The following TENM4 variants were observed in gnomAD, a reference collection of about 807,000 sequenced individuals.
The protein encoded by TENM4 is teneurin-4.
In TENM4, 82 loss-of-function variants were observed where a neutral mutation model predicts 243.3. The observed-to-expected ratio is 0.34, with a 90% confidence interval of 0.28 to 0.40. TENM4 has a LOEUF of 0.40. Among genes scored for constraint, TENM4 ranks in the 10% least tolerant of loss-of-function variants. TENM4 has a pLI of 1.00. For missense variants in TENM4, 3,138 were observed against 3,673.3 expected (o/e 0.85, Z 3.77); for synonymous variants, 1,412 against 1,456.3 (o/e 0.97, Z 0.69).
At chr11:78,898,902 C>T (rs890087978) in intron 7 of TENM4, among the ~76,000 whole-genome samples, 1 of 152,130 alleles carries the variant, frequency 6.6e-6, no homozygotes, top group Non-Finnish European at 1.5e-5. Context: ...AATAATAAAA[C>T]ACTACATAAT....
chr11:79,236,581 G>A (rs537403619), intron 2 of TENM4, among the ~76,000 whole-genome samples: 2 of 152,180 alleles, frequency 1.3e-5, no homozygotes, highest in African/African-American at 2.4e-5. Context: ...GATGGTGAGC[G>A]AACCCTCAGA....
intron 3 of TENM4, among the ~76,000 whole-genome samples, chr11:79,159,033 A>G (rs962671770): frequency 2.8e-4 from 43 of 152,202 alleles, no homozygotes; most frequent in Admixed American, 2.6e-3. Flanking sequence ...AGTGAGTGGC[A>G]TGGAGATGTG....
chr11:78,654,802 G>A lies in TENM4; in HGVS notation c.*3256C>T, dbSNP rs1473279389. The A allele has an allele frequency of 6.6e-6, 1 of 151,484 alleles. No homozygotes were observed. Among genetic ancestry groups the A allele is most frequent in the Non-Finnish European group, 1.5e-5 (1 of 67,940 alleles). 9.4% of individuals were successfully genotyped at this position (151,484 alleles called of 1,614,324 possible). A position where few individuals can be genotyped will look rare whatever the true frequency, so the allele number is the denominator to read the frequency against. The stretch of plus-strand genomic sequence containing the variant: ...TGCCCTCCAGCAATGTCTGTTTGGG[G>A]TGTGGGGGGGTGGGATAAAAAGGAA... On this transcript the variant is annotated 3_prime_UTR_variant, in exon 34 of 34. Coordinates refer to ENST00000278550, the MANE Select transcript of TENM4 (RefSeq NM_001098816.3).
chr11:79,037,274 C>A (rs80343367), intron 6 of TENM4, among the ~76,000 whole-genome samples: 6,081 of 152,236 alleles, frequency 0.04, 347 homozygotes, highest in African/African-American at 0.12. Context: ...CAGCCCTCAA[C>A]TACATGGCAA....
chr11:79,073,305 C>G (rs1045351614), intron 4 of TENM4, among the ~76,000 whole-genome samples: 1 of 152,196 alleles, frequency 6.6e-6, no homozygotes, highest in Non-Finnish European at 1.5e-5. Flanking sequence ...GCCACTCACA[C>G]TTTCCTGGAT....
intron 12 of TENM4, among the ~76,000 whole-genome samples, chr11:78,846,828 G>A (rs906982993): frequency 6.6e-6 from 1 of 152,328 alleles, no homozygotes; most frequent in Middle Eastern, 3.4e-3. Flanking sequence ...ACCTGATGAA[G>A]TCTGTGGCAG....
At chr11:79,014,867 A>AGAT (rs1858733131) in intron 6 of TENM4, 1 of 152,276 alleles carries the variant, frequency 6.6e-6, no homozygotes, top group African/African-American at 2.4e-5. Context: ...GTGGATTTGC[A>AGAT]GATAGGTCTC....
chr11:79,163,065 T>G (rs1292566517), intron 3 of TENM4, among the ~76,000 whole-genome samples: 1 of 152,158 alleles, frequency 6.6e-6, no homozygotes, highest in Non-Finnish European at 1.5e-5. Context: ...GAAGGCAGCA[T>G]GTTTAATGTA....
At chr11:79,302,776 T>C (rs188764122) in intron 1 of TENM4, among the ~76,000 whole-genome samples, 1 of 152,194 alleles carries the variant, frequency 6.6e-6, no homozygotes, top group Admixed American at 6.5e-5. Flanking sequence ...GTCTCCAGGA[T>C]GTAAGTCAGA....
intron 2 of TENM4, among the ~76,000 whole-genome samples, chr11:79,229,015 G>A (rs1363417474): frequency 1.3e-5 from 2 of 152,132 alleles, no homozygotes; most frequent in African/African-American, 2.4e-5. Context: ...CAATTTTTTA[G>A]ATGTTCTTTG....
intron 4 of TENM4, among the ~76,000 whole-genome samples, chr11:79,072,508 A>T (rs562505123): frequency 6.6e-6 from 1 of 151,908 alleles, no homozygotes; most frequent in African/African-American, 2.4e-5. Flanking sequence ...AAATTACAAT[A>T]TCTTACATAA....
chr11:79,226,544 G>A (rs1864269514), intron 2 of TENM4, among the ~76,000 whole-genome samples: 1 of 152,220 alleles, frequency 6.6e-6, no homozygotes, highest in Non-Finnish European at 1.5e-5. Flanking sequence ...GTCTTGCAGA[G>A]CAGAAGATCA....
At chr11:79,071,948 A>C (rs531602732) in intron 4 of TENM4, among the ~76,000 whole-genome samples, 3 of 152,262 alleles carry the variant, frequency 2.0e-5, no homozygotes, top group Non-Finnish European at 2.9e-5. Flanking sequence ...CGATTCTCAA[A>C]ATATCCCTGG....
intron 1 of TENM4, among the ~76,000 whole-genome samples, chr11:79,342,133 C>T (rs1220903273): frequency 6.6e-6 from 1 of 152,166 alleles, no homozygotes; most frequent in Non-Finnish European, 1.5e-5. Context: ...AGCTATTGCA[C>T]CCCACTAGAA....
chr11:78,873,244 G>A (rs1859182673), intron 9 of TENM4, among the ~76,000 whole-genome samples: 1 of 152,062 alleles, frequency 6.6e-6, no homozygotes, highest in Non-Finnish European at 1.5e-5. Context: ...ACAGACCCTT[G>A]GTTTGGTTTA....
chr11:79,052,518 T>C (rs1159538905), intron 6 of TENM4, among the ~76,000 whole-genome samples: 3 of 152,244 alleles, frequency 2.0e-5, no homozygotes, highest in Non-Finnish European at 1.5e-5. Context: ...AAGTAATGCA[T>C]GTGCACTATC....
chr11:78,972,376 A>G (rs2136581566), intron 6 of TENM4, among the ~76,000 whole-genome samples: 1 of 152,230 alleles, frequency 6.6e-6, no homozygotes, highest in Non-Finnish European at 1.5e-5. Context: ...GTTATGTTGG[A>G]AAAATGGTCT....
intron 20 of TENM4, among the ~76,000 whole-genome samples, chr11:78,735,167 C>T (rs1479958172): frequency 1.3e-5 from 2 of 152,208 alleles, no homozygotes; most frequent in African/African-American, 2.4e-5. Context: ...CAAAGCCTGA[C>T]TCTTCCACCC....
At chr11:79,102,210 A>C (rs1861249778) in intron 4 of TENM4, among the ~76,000 whole-genome samples, 1 of 152,248 alleles carries the variant, frequency 6.6e-6, no homozygotes, top group African/African-American at 2.4e-5. Context: ...TGTTAGTACA[A>C]TATAGGCTCC....
Sources: allele counts gnomAD v4.1 joint callset (sites outside exome capture counted in the v4.1 genomes callset), GRCh38; gene constraint gnomAD v4.1.1; transcripts MANE v1.5; gene names NCBI Gene and HGNC (gene_info 2026-07-23, HGNC 2026-07-21).